Variants in KNDC1 observed in about 807,000 individuals in gnomAD.
KNDC1 encodes the protein kinase non-catalytic C-lobe domain containing 1.
KNDC1 carries 106 observed loss-of-function variants against 172.8 expected under a neutral mutation model. The observed-to-expected ratio is 0.61, with a 90% confidence interval of 0.52 to 0.72. KNDC1 has a LOEUF of 0.72. Ranked by LOEUF, KNDC1 falls within the 30% of genes least tolerant of loss-of-function variation. The pLI is 0.00. For synonymous variants in KNDC1, 1,083 were observed against 1,062.2 expected (o/e 1.02, Z -0.38); for missense variants, 2,325 against 2,394.5 (o/e 0.97, Z 0.61).
Position 133,183,891 on chromosome 10 carries a change from A to G in KNDC1, c.527A>G (p.Glu176Gly). Reference sequence around the variant, plus strand: ...CCCCAGAGCATCATCGCGCTGTGTGAAGAGAAGCTGCAGCTCACATCCTCC... The same window carrying G: ...CCCCAGAGCATCATCGCGCTGTGTGGAGAGAAGCTGCAGCTCACATCCTCC... The part of the protein sequence containing the change: ...PDLESIIALC[E>G]EKLQLTSSCR... Residue 176 changes from glutamate to glycine, a missense_variant, in exon 5 of 30, where the codon GAA becomes GGA. Coordinates refer to ENST00000304613, the MANE Select transcript of KNDC1 (RefSeq NM_152643.8). 6.3e-7 allele frequency: 1 copy of G among 1,597,714 alleles called. No homozygotes were observed. Among genetic ancestry groups the G allele is most frequent in the Non-Finnish European group, 8.6e-7 (1 of 1,167,880 alleles).
chr10:133,196,082 G>A (rs983999176), intron 10 of KNDC1, among the ~76,000 whole-genome samples: 14 of 152,304 alleles, frequency 9.2e-5, no homozygotes, highest in African/African-American at 2.2e-4. Context: ...TTCCTCCTGC[G>A]GAGCCCGCTC....
intron 3 of KNDC1, among the ~76,000 whole-genome samples, chr10:133,180,240 G>A (rs1193224671): frequency 6.6e-6 from 1 of 152,248 alleles, no homozygotes; most frequent in East Asian, 1.9e-4. Flanking sequence ...CCTTCAGGGT[G>A]CACCATCCTT....
chr10:133,195,928 G>T, intron 10 of KNDC1, 107 bp downstream of exon 10: 1 of 1,135,842 alleles, frequency 8.8e-7, no homozygotes, highest in Non-Finnish European at 1.2e-6. Context: ...GTGTCCAGGT[G>T]ATGAGGCCAC....
At chr10:133,195,600 G>T (rs1854166179) in intron 9 of KNDC1, 63 bp from the exon 10 acceptor site, 2 of 1,429,150 alleles carry the variant, frequency 1.4e-6, no homozygotes, top group South Asian at 1.6e-5. Context: ...GAGGTGGGCA[G>T]GTCTGCTGGG....
In KNDC1 at chr10:133,212,776, C is replaced by A. The variant is rs1554920436; in HGVS notation, c.4297C>A (p.Pro1433Thr). 4 of 1,613,822 alleles carry A rather than the reference C, an allele frequency of 2.5e-6. No individual in the cohort carries two copies. The highest frequency in any genetic ancestry group is 1.6e-4 in the Middle Eastern group (1 of 6,078). Residue 1433 changes from proline (P) to threonine (T), a missense_variant, in exon 24 of 30, where the codon CCC (proline) becomes ACC (threonine). Pro to Thr is a conservative substitution (Grantham distance 38). Transcript: ENST00000304613. ...GLVLPPHKER[P>T]YTIAAALPKP... Reference sequence around the variant, plus strand: ...GGTGCTGCCGCCACACAAGGAGCGCCCCTACACCATTGCTGCCGCCCTGCC... The same window carrying A: ...GGTGCTGCCGCCACACAAGGAGCGCACCTACACCATTGCTGCCGCCCTGCC...
At chr10:133,188,331 C>T (rs951757825) in intron 6 of KNDC1, among the ~76,000 whole-genome samples, 1 of 152,166 alleles carries the variant, frequency 6.6e-6, no homozygotes, top group Non-Finnish European at 1.5e-5. Context: ...GACGTTCCCA[C>T]CCACAGGGCC....
chr10:133,204,412 C>T (rs1187688160), intron 17 of KNDC1, among the ~76,000 whole-genome samples: 4 of 152,206 alleles, frequency 2.6e-5, no homozygotes, highest in Middle Eastern at 3.2e-3. Context: ...GAGGCAGGGT[C>T]GCACTTGGCT....
Position 133,198,930 on chromosome 10 carries a change from TC to T in KNDC1, c.2424del (p.Gly810AlafsTer108). The stretch of plus-strand genomic sequence containing the variant: ...TGAGCCGATCCCACCTGGAGTTGCT[TC>T]CGGGGGCCTCAGGCCCGACGCCCTG... ...PAEPIPPGVASGGLRPDALGP... is the reference protein window; with the variant it reads ...PAEPIPPGVAXGGLRPDALGP... On this transcript the variant is annotated frameshift_variant, in exon 14 of 30. Coordinates refer to ENST00000304613, the MANE Select transcript of KNDC1 (RefSeq NM_152643.8). LOFTEE classifies it high-confidence loss of function. 1 of 1,561,996 alleles carries T rather than the reference TC, an allele frequency of 6.4e-7. No individual in the cohort carries two copies. Among genetic ancestry groups the T allele is most frequent in the Non-Finnish European group, 8.6e-7 (1 of 1,158,690 alleles).
At position 133,219,071 on chromosome 10, in the gene KNDC1, A is replaced by G. The variant is rs997447997; in HGVS notation, c.4841A>G (p.Glu1614Gly). The change falls in exon 28 of 30, where the codon GAG becomes GGG. Residue 1614 changes from glutamate (E) to glycine (G), a missense_variant. Coordinates refer to ENST00000304613, the MANE Select transcript of KNDC1 (RefSeq NM_152643.8). ...CCTGCAAAGATAGCAGAGGTCATGG[A>G]GGAGCTGAAAGCCGTGGAGGTACCA... The part of the protein sequence containing the change: ...ILPAKIAEVM[E>G]ELKAVEVFLK... The G allele has an allele frequency of 1.2e-6, 2 of 1,613,818 alleles. No homozygotes were observed. The highest frequency in any genetic ancestry group is 1.7e-6 in the Non-Finnish European group (2 of 1,179,960).
At chr10:133,176,164 G>A (rs1331657344) in intron 3 of KNDC1, among the ~76,000 whole-genome samples, 1 of 151,354 alleles carries the variant, frequency 6.6e-6, no homozygotes, top group Non-Finnish European at 1.5e-5. Context: ...ATCATGGGTG[G>A]GTGGATTGAT....
intron 21 of KNDC1, 112 bp from the exon 22 acceptor site, chr10:133,211,310 C>G: frequency 1.0e-6 from 1 of 999,838 alleles, no homozygotes; most frequent in Non-Finnish European, 1.4e-6. Context: ...GCCCCCTGCA[C>G]ACATGGAGCC....
intron 2 of KNDC1, among the ~76,000 whole-genome samples, chr10:133,168,030 T>G (rs936703891): frequency 1.3e-5 from 2 of 152,232 alleles, no homozygotes; most frequent in Non-Finnish European, 2.9e-5. Context: ...GCTTCCTTCT[T>G]GGGAAAGTGG....
intron 15 of KNDC1, 23 bp downstream of exon 15, chr10:133,199,625 C>A: frequency 6.2e-7 from 1 of 1,609,282 alleles, no homozygotes. Flanking sequence ...TTCGGCCCTG[C>A]ATTCCCGCCC....
chr10:133,221,141 A>T (rs547592083), intron 29 of KNDC1, among the ~76,000 whole-genome samples: 94 of 152,186 alleles, frequency 6.2e-4, no homozygotes, highest in Non-Finnish European at 1.0e-3. Context: ...TGCAGCACAG[A>T]GGCTGCCCGG....
rs761060765 is a variant in KNDC1 at position 133,160,459 on chromosome 10, G to C, written c.-9G>C. Reference sequence around the variant, plus strand: ...AGGCCCCGGGGGCGGTGCGCGGCGCGGCCGCAGGATGCAGGCCATGGACCC... The same window carrying C: ...AGGCCCCGGGGGCGGTGCGCGGCGCCGCCGCAGGATGCAGGCCATGGACCC... On this transcript the variant is annotated 5_prime_UTR_variant, in exon 1 of 30. Coordinates refer to ENST00000304613, the MANE Select transcript of KNDC1 (RefSeq NM_152643.8). The C allele has an allele frequency of 9.2e-6, 14 of 1,514,132 alleles. No individual in the cohort carries two copies. Among genetic ancestry groups the C allele is most frequent in the Non-Finnish European group, 1.2e-5 (14 of 1,131,070 alleles). The allele number at this position is 1,514,132 out of a possible 1,614,324, so 93.8% of individuals were successfully genotyped here. A position where few individuals can be genotyped will look rare whatever the true frequency, so the allele number is the denominator to read the frequency against.
chr10:133,161,641 G>A (rs1313630287), intron 1 of KNDC1, among the ~76,000 whole-genome samples: 1 of 151,966 alleles, frequency 6.6e-6, no homozygotes, highest in African/African-American at 2.4e-5. Flanking sequence ...CGATGCCCCC[G>A]CCCCCACCAT....
At chr10:133,175,445 AT>A (rs1853506759) in intron 3 of KNDC1, among the ~76,000 whole-genome samples, 1 of 139,302 alleles carries the variant, frequency 7.2e-6, no homozygotes, top group African/African-American at 2.6e-5. Flanking sequence ...GAGTGGATGG[AT>A]GGGTGGGTGG....
intron 29 of KNDC1, among the ~76,000 whole-genome samples, chr10:133,222,280 C>T (rs1221302257): frequency 1.7e-5 from 2 of 119,796 alleles, no homozygotes; most frequent in East Asian, 6.9e-4. Context: ...GAGACTCCGT[C>T]TCAAAAAAAA....
intron 5 of KNDC1, among the ~76,000 whole-genome samples, chr10:133,184,466 C>T (rs1853834145): frequency 6.6e-6 from 1 of 152,228 alleles, no homozygotes; most frequent in Non-Finnish European, 1.5e-5. Context: ...CTGACAGTCA[C>T]ACACGAGTGT....
Sources: gnomAD v4.1 joint callset for allele counts (sites outside exome capture counted in the v4.1 genomes callset) on GRCh38, gnomAD v4.1.1 for gene constraint, MANE v1.5 for transcripts, NCBI Gene and HGNC (gene_info 2026-07-23, HGNC 2026-07-21) for gene names.